APPL1: variants seen among roughly 807,000 people sequenced by gnomAD.
APPL1 encodes the protein DCC-interacting protein 13-alpha.
A neutral mutation model predicts 106.8 loss-of-function variants in APPL1; 42 were observed. The ratio of observed to expected loss-of-function variants is 0.39; its 90% CI spans 0.31 to 0.51. The LOEUF is 0.51. Ranked by LOEUF, APPL1 falls within the 20% of genes least tolerant of loss-of-function variation. APPL1 has a pLI of 0.75. For synonymous variants in APPL1, 263 were observed against 281.8 expected (o/e 0.93, Z 0.67); for missense variants, 769 against 858.2 (o/e 0.90, Z 1.30).
rs892239585 is a variant in APPL1 at position 57,270,635 on chromosome 3, T to A, written c.*948T>A. 9 of 152,646 alleles carry A rather than the reference T, an allele frequency of 5.9e-5. No individual in the cohort carries two copies. The highest frequency in any genetic ancestry group is 2.2e-4 in the African/African-American group (9 of 41,470). 9.5% of individuals were successfully genotyped at this position (152,646 alleles called of 1,614,324 possible). Reference sequence around the variant, plus strand: ...TAAAGTAAAAATTCCCAGAGTTTAGTTTAGAAAATGTAATCTTTTAAATTT... The same window carrying A: ...TAAAGTAAAAATTCCCAGAGTTTAGATTAGAAAATGTAATCTTTTAAATTT... On this transcript the variant is annotated 3_prime_UTR_variant, in exon 22 of 22. Coordinates refer to ENST00000288266, the MANE Select transcript of APPL1 (RefSeq NM_012096.3).
intron 1 of APPL1, among the ~76,000 whole-genome samples, chr3:57,231,230 T>G (rs1276161040): frequency 6.8e-6 from 1 of 146,950 alleles, no homozygotes; most frequent in Non-Finnish European, 1.5e-5. Context: ...TCCCAGCTAC[T>G]CGGGAAGCTG....
At chr3:57,263,724 A>G (rs1351089030) in intron 19 of APPL1, among the ~76,000 whole-genome samples, 1 of 145,526 alleles carries the variant, frequency 6.9e-6, no homozygotes, top group East Asian at 2.0e-4. Flanking sequence ...ATAGTACTCC[A>G]TTGTGTGTGT....
At chr3:57,255,518 G>A (rs2060830425) in intron 13 of APPL1, among the ~76,000 whole-genome samples, 1 of 152,156 alleles carries the variant, frequency 6.6e-6, no homozygotes, top group Non-Finnish European at 1.5e-5. Context: ...TTATCTTAAC[G>A]GCTTTGAGGT....
At chr3:57,269,405 CTTTT>C in intron 21 of APPL1, 132 bp from the exon 22 acceptor site, 1 of 818,582 alleles carries the variant, frequency 1.2e-6, no homozygotes, top group Non-Finnish European at 1.8e-6. Context: ...TGTAGCTTTT[CTTTT>C]TATCAAGTTG....
intron 7 of APPL1, 89 bp downstream of exon 7, chr3:57,243,003 A>G: frequency 2.2e-6 from 2 of 919,032 alleles, no homozygotes; most frequent in Non-Finnish European, 3.4e-6. Context: ...GCCAGCAGTT[A>G]CTTTGTATGT....
At chr3:57,258,850 T>C in intron 15 of APPL1, 178 bp from the exon 16 acceptor site, 1 of 522,114 alleles carries the variant, frequency 1.9e-6, no homozygotes, top group Non-Finnish European at 3.4e-6. Context: ...GATCAGTTAG[T>C]GTGTGAGGGC....
At chr3:57,261,672 C>T (rs552395497) in intron 19 of APPL1, among the ~76,000 whole-genome samples, 56 of 152,286 alleles carry the variant, frequency 3.7e-4, no homozygotes, top group African/African-American at 1.2e-3. Flanking sequence ...GTGCCTGCCA[C>T]CATGCCCGGC....
chr3:57,258,682 A>G (rs2060849915), intron 15 of APPL1: 2 of 183,864 alleles, frequency 1.1e-5, no homozygotes, highest in South Asian at 1.9e-4. Context: ...CATTCTTGGC[A>G]TTTTTCTCAA....
At position 57,237,427 on chromosome 3, in the gene APPL1, A is replaced by C. The variant is rs1454521969; in HGVS notation, c.154-65A>C. On this transcript the variant is annotated intron_variant, in intron 2 of 21. Transcript: ENST00000288266. ...TTAAGTGATAATAAATAAATTAGGT[A>C]TTTAATTAGAAAAAACTAAAACTTT... The C allele has an allele frequency of 1.7e-5, 19 of 1,094,568 alleles. No individual in the cohort carries two copies. In the East Asian group the frequency reaches 5.0e-4, roughly 29 times the overall value. 67.8% of individuals were successfully genotyped at this position (1,094,568 alleles called of 1,614,324 possible).
Position 57,260,692 on chromosome 3 carries a change from T to C in APPL1, c.1760T>C (p.Val587Ala). 6.2e-7 allele frequency: 1 copy of C among 1,613,226 alleles called. No homozygotes were observed. The highest frequency in any genetic ancestry group is 1.1e-5 in the South Asian group (1 of 91,008). Residue 587 changes from valine to alanine, a missense_variant, in exon 19 of 22, where the codon GTT becomes GCT. Val to Ala is a moderately conservative substitution (Grantham distance 64). Coordinates refer to ENST00000288266, the MANE Select transcript of APPL1 (RefSeq NM_012096.3). ...GAAAATAAGCGCCTTTTTGGATTTG[T>C]TCTTCGGACATCAAGCGGGAGAAGT... is the stretch of plus-strand genomic sequence containing the variant. ...HQENKRLFGF[V>A]LRTSSGRSES...
At chr3:57,249,290 C>G (rs1164096045) in intron 10 of APPL1, 70 bp from the exon 11 acceptor site, 1 of 1,536,576 alleles carries the variant, frequency 6.5e-7, no homozygotes, top group Admixed American at 1.7e-5. Context: ...CATGCTTTAT[C>G]TTGTGTCTAG....
intron 11 of APPL1, among the ~76,000 whole-genome samples, chr3:57,251,782 A>T (rs2060806157): frequency 6.6e-6 from 1 of 152,134 alleles, no homozygotes; most frequent in Admixed American, 6.5e-5. Flanking sequence ...AATTAATAAA[A>T]ATTATTATTT....
chr3:57,242,238 AC>A (rs1216696177), intron 6 of APPL1, 96 bp downstream of exon 6: 31 of 802,104 alleles, frequency 3.9e-5, no homozygotes, highest in South Asian at 1.7e-4. Context: ...TTGAAAAAAA[AC>A]CAATTAAAAA....
intron 6 of APPL1, 121 bp downstream of exon 6, chr3:57,242,263 C>A: frequency 1.4e-6 from 1 of 720,176 alleles, no homozygotes; most frequent in Non-Finnish European, 2.2e-6. Flanking sequence ...GTGAACATTA[C>A]TTAAATCAGT....
intron 15 of APPL1, among the ~76,000 whole-genome samples, chr3:57,257,738 T>C (rs1241560342): frequency 6.6e-6 from 1 of 152,210 alleles, no homozygotes; most frequent in Non-Finnish European, 1.5e-5. Context: ...GTCATGACAA[T>C]TTTTAAAAAA....
intron 1 of APPL1, chr3:57,230,880 C>T (rs537196145): frequency 3.0e-5 from 10 of 329,836 alleles, no homozygotes; most frequent in African/African-American, 1.8e-4. Flanking sequence ...CCACCAAGCT[C>T]AGCTAATTTT....
At chr3:57,265,802 G>A (rs2060891739) in intron 19 of APPL1, among the ~76,000 whole-genome samples, 1 of 151,958 alleles carries the variant, frequency 6.6e-6, no homozygotes, top group Admixed American at 6.6e-5. Flanking sequence ...TTGTTTTTCT[G>A]CATTCAGTAT....
At chr3:57,242,683 A>T (rs2060753005) in intron 6 of APPL1, among the ~76,000 whole-genome samples, 173 bp from the exon 7 acceptor site, 4 of 152,240 alleles carry the variant, frequency 2.6e-5, no homozygotes. Flanking sequence ...TGAGAAGTAG[A>T]CACATAATTT....
At chr3:57,236,424 G>A (rs2060717171) in intron 2 of APPL1, among the ~76,000 whole-genome samples, 1 of 151,310 alleles carries the variant, frequency 6.6e-6, no homozygotes, top group South Asian at 2.1e-4. Context: ...CACCTCCCAG[G>A]TTCAAGCAAT....
Sources: allele counts gnomAD v4.1 joint callset (sites outside exome capture counted in the v4.1 genomes callset), GRCh38; gene constraint gnomAD v4.1.1; transcripts MANE v1.5; gene names NCBI Gene and HGNC (gene_info 2026-07-23, HGNC 2026-07-21).